POC5: variants seen among roughly 807,000 people sequenced by gnomAD.
POC5 encodes centrosomal protein POC5.
A neutral mutation model predicts 62.9 loss-of-function variants in POC5; 48 were observed. The ratio of observed to expected loss-of-function variants is 0.76; its 90% confidence interval spans 0.61 to 0.97. The LOEUF (loss-of-function observed/expected upper bound fraction) is 0.97, where lower values mean the gene tolerates loss of function less well. Among genes scored for constraint, POC5 ranks in the 50% least tolerant of loss-of-function variants. POC5 has a pLI of 0.00. For synonymous variants in POC5, 236 were observed against 228.2 expected (o/e 1.03, Z -0.31); for missense variants, 696 against 679.5 (o/e 1.02, Z -0.27).
At chr5:75,714,238 C>T (rs1267928824) in intron 1 of POC5, among the ~76,000 whole-genome samples, 2 of 152,002 alleles carry the variant, frequency 1.3e-5, no homozygotes, top group African/African-American at 2.4e-5. Flanking sequence ...AACAATTAGC[C>T]GAGCCTGGTG....
chr5:75,700,505 T>A lies in POC5; in HGVS notation c.513+2100A>T, dbSNP rs1403296843. The stretch of plus-strand genomic sequence containing the variant: ...ATTTAATAAATGGTGCTGGGAAAAC[T>A]GGCTAGCCATATGTAGAAAGCTGAA... On this transcript the variant is annotated intron_variant, in intron 5 of 11. Transcript: ENST00000428202. Among the ~76,000 whole-genome samples, 20 of 151,454 alleles carry A rather than the reference T, an allele frequency of 1.3e-4. No individual in the cohort carries two copies. In the South Asian group the frequency reaches 2.3e-3, roughly 18 times the overall value.
chr5:75,680,537 T>G (rs1425634368), intron 10 of POC5, among the ~76,000 whole-genome samples: 1 of 152,194 alleles, frequency 6.6e-6, no homozygotes, highest in Non-Finnish European at 1.5e-5. Context: ...GCATGTTTAC[T>G]GTCGGCTGCT....
chr5:75,678,965 A>C (rs2112074956), intron 10 of POC5, among the ~76,000 whole-genome samples: 2 of 152,270 alleles, frequency 1.3e-5, no homozygotes, highest in Middle Eastern at 3.4e-3. Flanking sequence ...GTTCTTTATT[A>C]ATGTTTCATA....
intron 5 of POC5, among the ~76,000 whole-genome samples, chr5:75,699,045 A>G (rs1187824304): frequency 6.6e-6 from 1 of 152,184 alleles, no homozygotes; most frequent in African/African-American, 2.4e-5. Context: ...GAATAGACCA[A>G]TAACAGGAGC....
At chr5:75,693,903 C>A (rs957410232) in intron 6 of POC5, among the ~76,000 whole-genome samples, 2 of 152,104 alleles carry the variant, frequency 1.3e-5, no homozygotes, top group Non-Finnish European at 2.9e-5. Flanking sequence ...TTGAATCTTA[C>A]CCTCGAATTC....
chr5:75,696,024 A>C (rs6881648), intron 5 of POC5: 65,365 of 152,596 alleles, frequency 0.43, 14,364 homozygotes, highest in South Asian at 0.55. Context: ...AAACGGCGCA[A>C]CAGAAGATTA....
chr5:75,715,290 A>G (rs942478863), intron 1 of POC5, among the ~76,000 whole-genome samples: 3 of 147,018 alleles, frequency 2.0e-5, no homozygotes, highest in Non-Finnish European at 4.5e-5. Flanking sequence ...AGCCTGGGCG[A>G]CAGAGTGAGA....
chr5:75,690,131 G>A (rs1340506545), intron 8 of POC5, among the ~76,000 whole-genome samples: 6 of 151,930 alleles, frequency 3.9e-5, no homozygotes, highest in Non-Finnish European at 7.4e-5. Flanking sequence ...TGCCCGCCTC[G>A]GCCTCCCAAA....
intron 6 of POC5, among the ~76,000 whole-genome samples, chr5:75,693,097 C>CATGTT (rs3041694): frequency 0.24 from 35,923 of 147,054 alleles, 4,567 homozygotes; most frequent in South Asian, 0.32. Flanking sequence ...ACATATATAA[C>CATGTT]ATATGTCATA....
intron 10 of POC5, 116 bp from the exon 11 acceptor site, chr5:75,678,066 C>G: frequency 1.3e-6 from 1 of 790,058 alleles, no homozygotes; most frequent in South Asian, 4.4e-5. Flanking sequence ...GTATGTTCAA[C>G]CAACTTTAAC....
At chr5:75,690,259 C>T (rs1776271262) in intron 8 of POC5, 124 bp downstream of exon 8, 13 of 868,094 alleles carry the variant, frequency 1.5e-5, no homozygotes, top group African/African-American at 5.1e-5. Context: ...CAAGAATAAA[C>T]GTTTTCATTT....
chr5:75,685,528 G>A (rs1776069415), intron 9 of POC5, 44 bp from the exon 10 acceptor site: 2 of 1,557,694 alleles, frequency 1.3e-6, no homozygotes, highest in East Asian at 4.5e-5. Flanking sequence ...TCCAGGTTAG[G>A]ACTACTATTA....
intron 11 of POC5, 108 bp downstream of exon 11, chr5:75,677,666 C>A: frequency 1.3e-6 from 1 of 796,130 alleles, no homozygotes; most frequent in Non-Finnish European, 1.7e-6. Context: ...GAACAAGTAC[C>A]AGTCATCATA....
chr5:75,717,402 C>T lies in POC5; in HGVS notation c.-111G>A, dbSNP rs765958347. On this transcript the variant is annotated 5_prime_UTR_variant, in exon 1 of 12. Coordinates refer to ENST00000428202, the MANE Select transcript of POC5 (RefSeq NM_001099271.2). ...CAAGTGCAGCCTCAGCAAGCACAAC[C>T]GCTACCTAGACGGCAACCTGACAGT... 1.3e-5 allele frequency: 2 copies of T among 152,258 alleles called. No individual in the cohort carries two copies. The highest frequency in any genetic ancestry group is 4.1e-4 in the South Asian group (2 of 4,830). The allele number at this position is 152,258 out of a possible 1,614,324, so 9.4% of individuals were successfully genotyped here.
intron 5 of POC5, among the ~76,000 whole-genome samples, chr5:75,697,819 A>T (rs950799115): frequency 6.7e-6 from 1 of 150,230 alleles, no homozygotes; most frequent in African/African-American, 2.4e-5. Flanking sequence ...TATTCAGGAA[A>T]CCCATCTCAC....
At chr5:75,690,171 G>A (rs1216406809) in intron 8 of POC5, among the ~76,000 whole-genome samples, 4 of 152,080 alleles carry the variant, frequency 2.6e-5, no homozygotes, top group South Asian at 2.1e-4. Context: ...GAGGCACCGC[G>A]CCCAACTAAT....
intron 11 of POC5, among the ~76,000 whole-genome samples, chr5:75,676,547 C>CG (rs58711993): frequency 0.56 from 85,399 of 151,828 alleles, 24,865 homozygotes; most frequent in Middle Eastern, 0.68. Context: ...AGCTAGTACT[C>CG]GGGAAAAAAG....
chr5:75,683,524 C>T (rs1413098186), intron 10 of POC5, among the ~76,000 whole-genome samples: 1 of 152,032 alleles, frequency 6.6e-6, no homozygotes, highest in Non-Finnish European at 1.5e-5. Context: ...TGAGCCGCCG[C>T]GCATGGCTTT....
chr5:75,704,015 C>T (rs971557482), intron 4 of POC5, among the ~76,000 whole-genome samples: 8 of 151,598 alleles, frequency 5.3e-5, no homozygotes, highest in African/African-American at 1.9e-4. Flanking sequence ...ATTAGCCAGG[C>T]ATGGTGGCAC....
Sources: gnomAD v4.1 joint callset for allele counts (sites outside exome capture counted in the v4.1 genomes callset) on GRCh38, gnomAD v4.1.1 for gene constraint, MANE v1.5 for transcripts, NCBI Gene and HGNC (gene_info 2026-07-23, HGNC 2026-07-21) for gene names.